ZNF225: variants seen among roughly 807,000 people sequenced by gnomAD.
The protein encoded by ZNF225 is zinc finger protein 225.
Under a neutral mutation model 12.0 loss-of-function variants are expected in ZNF225, and 6 were observed. The observed-to-expected ratio is 0.50, with a 90% CI of 0.27 to 0.98. The LOEUF is 0.98. Among genes scored for constraint, ZNF225 ranks in the 50% least tolerant of loss-of-function variants. The pLI, the probability that ZNF225 is intolerant of heterozygous loss-of-function variation, is 0.11. For synonymous variants in ZNF225, 271 were observed against 283.2 expected, an observed-to-expected ratio of 0.96 and a Z score of 0.43; for missense variants, 763 against 848.2, an observed-to-expected ratio of 0.90 and a Z score of 1.25.
At chr19:44,112,308 C>T (rs528294255), upstream of ZNF225, 3 of 152,174 alleles carry the variant, frequency 2.0e-5, no homozygotes, top group Non-Finnish European at 2.9e-5. Context: ...GTATCTATGT[C>T]TGCGGCAGCT....
In ZNF225 at chr19:44,118,489, A is replaced by G. The variant is rs114271963; in HGVS notation, c.150A>G (p.Gln50=). 654 of 1,613,636 alleles carry G rather than the reference A, an allele frequency of 4.1e-4. 5 individuals carry two copies. In the African/African-American group the frequency reaches 7.6e-3, roughly 19 times the overall value. The change falls in exon 4 of 5, where the codon CAA becomes CAG. Residue 50 remains glutamine, a synonymous_variant. Transcript: ENST00000262894. ...NFRNLLSVGH[Q]SLHRDTFHFL... The stretch of plus-strand genomic sequence containing the variant: ...GACTTTTCACGTTCACAGGGCATCA[A>G]TCACTCCACAGAGATACTTTCCACT...
chr19:44,115,832 C>T lies in ZNF225; in HGVS notation c.5C>T (p.Thr2Ile). The T allele has an allele frequency of 6.2e-7, 1 of 1,612,918 alleles. No homozygotes were observed. The highest frequency in any genetic ancestry group is 1.1e-5 in the South Asian group (1 of 90,892). Residue 2 changes from threonine to isoleucine, a missense_variant, in exon 2 of 5, where the codon ACC becomes ATC. Physicochemically the swap from Thr to Ile is moderately conservative, Grantham distance 89. Transcript: ENST00000262894. The stretch of plus-strand genomic sequence containing the variant: ...TTCCCTGAAATAGGAGGAAAAATGA[C>T]CACGTTGAAGGTGAGTAGAGCTTGC... M[T>I]TLKEAVTFKD...
In ZNF225 at chr19:44,131,443, G is replaced by A. The variant is rs768318417; in HGVS notation, c.829G>A (p.Glu277Lys). The A allele has an allele frequency of 6.2e-7, 1 of 1,613,948 alleles. No homozygotes were observed. The highest frequency in any genetic ancestry group is 8.5e-7 in the Non-Finnish European group (1 of 1,180,016). ...CTTCATTCATGATTCCCAGCTTCAG[G>A]AACATCAAAGAATCCATACTGGGGA... ...KAFIHDSQLQ[E>K]HQRIHTGEKP... is the part of the protein sequence containing the mutation. The change falls in exon 5 of 5, where the codon GAA becomes AAA. Residue 277 changes from glutamate to lysine, a missense_variant. Physicochemically the swap from Glu to Lys is moderately conservative, Grantham distance 56. Coordinates refer to ENST00000262894, the MANE Select transcript of ZNF225 (RefSeq NM_013362.4).
chr19:44,115,954 G>C (rs142106001), intron 2 of ZNF225, 112 bp downstream of exon 2: 7 of 1,067,912 alleles, frequency 6.6e-6, no homozygotes. Context: ...CTCCACCTCC[G>C]GAGTTCAAGT....
upstream of ZNF225, chr19:44,113,392 G>C (rs1385264886): frequency 6.6e-6 from 1 of 152,268 alleles, no homozygotes; most frequent in Non-Finnish European, 1.5e-5. Context: ...GTGGAGTCCA[G>C]ACACTCAGTG....
In ZNF225 at chr19:44,132,600, G is replaced by T; in HGVS notation, c.1986G>T (p.Val662=). The part of the protein sequence containing the change: ...LQCEDCGKSI[V]HSSCLKDQQR... ...GTGAGGACTGTGGGAAGAGCATTGT[G>T]CACAGTTCATGCCTTAAAGACCAAC... Residue 662 remains valine (V), a synonymous_variant, in exon 5 of 5, where the codon GTG becomes GTT. Coordinates refer to ENST00000262894, the MANE Select transcript of ZNF225 (RefSeq NM_013362.4). The T allele has an allele frequency of 6.2e-7, 1 of 1,614,090 alleles. No homozygotes were observed. Among genetic ancestry groups the T allele is most frequent in the African/African-American group, 1.3e-5 (1 of 75,058 alleles).
intron 4 of ZNF225, among the ~76,000 whole-genome samples, chr19:44,119,002 G>A (rs1038271611): frequency 8.5e-5 from 13 of 152,092 alleles, no homozygotes; most frequent in Non-Finnish European, 1.8e-4. Flanking sequence ...ATTTTTAGTA[G>A]AGACGGGGTT....
chr19:44,112,102 GGGGTCATAGATT>G (rs2147544808), upstream of ZNF225: 1 of 152,330 alleles, frequency 6.6e-6, no homozygotes, highest in African/African-American at 2.4e-5. Flanking sequence ...GATTTACATA[GGGGTCATAGATT>G]GGTTCGATCA....
intron 3 of ZNF225, 28 bp from the exon 4 acceptor site, chr19:44,118,454 C>T: frequency 6.2e-7 from 1 of 1,613,192 alleles, no homozygotes; most frequent in Non-Finnish European, 8.5e-7. Context: ...TATATTGGCA[C>T]TAAGCACATG....
chr19:44,118,596 G>A (rs376444822), intron 4 of ZNF225, 22 bp downstream of exon 4: 4 of 1,602,164 alleles, frequency 2.5e-6, no homozygotes, highest in Non-Finnish European at 3.4e-6. Flanking sequence ...GCAACTCTGT[G>A]TCCTTGTGCG....
rs1599685453 is a variant in ZNF225 at position 44,134,529 on chromosome 19, C to T, written c.*1794C>T. On this transcript the variant is annotated 3_prime_UTR_variant, in exon 5 of 5. Transcript: ENST00000262894. ...GCACATAGTACTAGAAAACTGTTGG[C>T]TCAGTCTTCTTTTTGTTTTGTGTGT... 6.6e-6 allele frequency: 1 copy of T among 152,176 alleles called. No homozygotes were observed. The highest frequency in any genetic ancestry group is 1.9e-4 in the East Asian group (1 of 5,196). The allele number at this position is 152,176 out of a possible 1,614,324, so 9.4% of individuals were successfully genotyped here. A position where few individuals can be genotyped will look rare whatever the true frequency, so the allele number is the denominator to read the frequency against.
chr19:44,114,208 C>T, intron 1 of ZNF225: 1 of 1,030,724 alleles, frequency 9.7e-7, no homozygotes, highest in South Asian at 1.3e-5. Context: ...GAGGGCAAAG[C>T]TCTACGTGAG....
At chr19:44,116,479 A>G (rs1967944617) in intron 2 of ZNF225, among the ~76,000 whole-genome samples, 1 of 152,238 alleles carries the variant, frequency 6.6e-6, no homozygotes, top group African/African-American at 2.4e-5. Context: ...TAGTCATGAT[A>G]GAAAATCTTT....
rs548008020 is a variant in ZNF225 at position 44,130,494 on chromosome 19, C to T, written c.236-356C>T. ...AGGGCGGATCACGAGGTCAGGAGAT[C>T]GAGACCATCCTGGCTAACACAGTGA... On this transcript the variant is annotated intron_variant, in intron 4 of 4. Transcript: ENST00000262894. 4.8e-5 allele frequency: 8 copies of T among 167,830 alleles called. No individual in the cohort carries two copies. In the South Asian group the frequency reaches 7.9e-4, roughly 17 times the overall value. 10.4% of individuals were successfully genotyped at this position (167,830 alleles called of 1,614,324 possible).
chr19:44,125,862 A>T (rs897396969), intron 4 of ZNF225, among the ~76,000 whole-genome samples: 24 of 152,080 alleles, frequency 1.6e-4, no homozygotes, highest in African/African-American at 5.8e-4. Context: ...CATTTCTATA[A>T]GTGTGTCCAG....
chr19:44,123,279 T>A (rs1230923941), intron 4 of ZNF225, among the ~76,000 whole-genome samples: 2 of 152,242 alleles, frequency 1.3e-5, no homozygotes, highest in Non-Finnish European at 2.9e-5. Context: ...ATTCTGTTTA[T>A]GTGGTGTATC....
In ZNF225 at chr19:44,132,420, G is replaced by A; in HGVS notation, c.1806G>A (p.Gly602=). The part of the protein sequence containing the change: ...DEKPFKCEEC[G]KRFTENSQLH... ...AGCCATTCAAATGTGAAGAGTGTGG[G>A]AAGAGATTTACTGAGAATTCACAGC... The change falls in exon 5 of 5, where the codon GGG becomes GGA. Residue 602 remains glycine, a synonymous_variant. Transcript: ENST00000262894. 1.2e-6 allele frequency: 2 copies of A among 1,614,176 alleles called. No homozygotes were observed. Among genetic ancestry groups the A allele is most frequent in the Non-Finnish European group, 1.7e-6 (2 of 1,180,024 alleles).
rs907134299 is a variant in ZNF225 at position 44,133,690 on chromosome 19, T to C, written c.*955T>C. ...GAACCAGTTAGGACAAAGAGCAGGA[T>C]TGAGCGCCATTCCATTCATAGACAC... is the stretch of plus-strand genomic sequence containing the variant. On this transcript the variant is annotated 3_prime_UTR_variant, in exon 5 of 5. Coordinates refer to ENST00000262894, the MANE Select transcript of ZNF225 (RefSeq NM_013362.4). The C allele has an allele frequency of 1.3e-5, 2 of 152,090 alleles. No individual in the cohort carries two copies. Among genetic ancestry groups the C allele is most frequent in the Admixed American group, 6.6e-5 (1 of 15,266 alleles). The allele number at this position is 152,090 out of a possible 1,614,324, so 9.4% of individuals were successfully genotyped here.
In ZNF225 at chr19:44,132,655, A is replaced by G; in HGVS notation, c.2041A>G (p.Lys681Glu). ...QRDQSGEKTS[K>E]CEDCGKRYKR... The stretch of plus-strand genomic sequence containing the variant: ...AGACCAAAGTGGAGAGAAAACATCT[A>G]AATGTGAGGACTGTGGGAAGCGCTA... Residue 681 changes from lysine (K) to glutamate (E), a missense_variant, in exon 5 of 5, where the codon AAA becomes GAA. Lys to Glu is a moderately conservative substitution (Grantham distance 56). Transcript: ENST00000262894. 6.2e-7 allele frequency: 1 copy of G among 1,613,818 alleles called. No individual in the cohort carries two copies. The highest frequency in any genetic ancestry group is 8.5e-7 in the Non-Finnish European group (1 of 1,179,918).
Sources: gnomAD v4.1 joint callset for allele counts (sites outside exome capture counted in the v4.1 genomes callset) on GRCh38, gnomAD v4.1.1 for gene constraint, MANE v1.5 for transcripts, NCBI Gene and HGNC (gene_info 2026-07-23, HGNC 2026-07-21) for gene names.